The following PRKCE variants were observed in gnomAD, a reference collection of about 807,000 sequenced individuals.
PRKCE encodes protein kinase C epsilon.
PRKCE carries 16 observed loss-of-function variants against 85.4 expected under a neutral mutation model. The ratio of observed to expected loss-of-function variants is 0.19; its 90% CI spans 0.13 to 0.28. The LOEUF (loss-of-function observed/expected upper bound fraction) is 0.28, where lower values mean the gene tolerates loss of function less well. Ranked by LOEUF, PRKCE falls within the 10% of genes least tolerant of loss-of-function variation. PRKCE has a pLI of 1.00. For synonymous variants in PRKCE, 388 were observed against 371.5 expected (o/e 1.04, Z -0.51); for missense variants, 573 against 975.2 (o/e 0.59, Z 5.49).
At chr2:45,984,144 G>T (rs1033036522) in intron 5 of PRKCE, among the ~76,000 whole-genome samples, 1 of 151,940 alleles carries the variant, frequency 6.6e-6, no homozygotes, top group South Asian at 2.1e-4. Context: ...CACCATGTTG[G>T]CCAGGCTGGT....
rs144878366 is a variant in PRKCE, at chr2:45,939,336, C to T, written c.413-37093C>T. ...GCACTGCCACCTTCCCCTGTGTTCA[C>T]CACTTCATTCCCTGATGTCTTACTG... is the stretch of plus-strand genomic sequence containing the variant. On this transcript the variant is annotated intron_variant, in intron 2 of 14. Coordinates refer to ENST00000306156, the MANE Select transcript of PRKCE (RefSeq NM_005400.3). Among the ~76,000 whole-genome samples, 226 of 152,306 alleles carry T rather than the reference C, an allele frequency of 1.5e-3. 1 individual carries two copies. The highest frequency in any genetic ancestry group is 5.0e-3 in the African/African-American group (209 of 41,580).
At position 45,653,509 on chromosome 2, in the gene PRKCE, T is replaced by A. The variant is rs180941913; in HGVS notation, c.348+1061T>A. 2.0e-4 allele frequency among the ~76,000 whole-genome samples: 30 copies of A among 151,980 alleles called. 1 individual carries two copies. In the East Asian group the frequency reaches 5.8e-3, roughly 29 times the overall value. On this transcript the variant is annotated intron_variant, in intron 1 of 14. Coordinates refer to ENST00000306156, the MANE Select transcript of PRKCE (RefSeq NM_005400.3). ...CTCTGGAGGTATATGTTTTCAGGGT[T>A]CTTTGGTCTACACAAAAAGTGAGAG...
rs189831253 is a variant in PRKCE, at chr2:46,115,195, T to A, written c.1592+28833T>A. Among the ~76,000 whole-genome samples the A allele has an allele frequency of 3.9e-5, 6 of 152,342 alleles. No individual in the cohort carries two copies. In the East Asian group the frequency reaches 1.2e-3, roughly 29 times the overall value. On this transcript the variant is annotated intron_variant, in intron 11 of 14. Coordinates refer to ENST00000306156, the MANE Select transcript of PRKCE (RefSeq NM_005400.3). Reference sequence around the variant, plus strand: ...AGTAGTATTTCACAAGTATCAACTGTGCAAAGAACAGAGGTGCTAAGCTCA... The same window carrying A: ...AGTAGTATTTCACAAGTATCAACTGAGCAAAGAACAGAGGTGCTAAGCTCA...
At chr2:45,761,263 C>G (rs994744456) in intron 1 of PRKCE, among the ~76,000 whole-genome samples, 5 of 131,038 alleles carry the variant, frequency 3.8e-5, no homozygotes, top group Non-Finnish European at 7.8e-5. Flanking sequence ...GGAGGCAGAG[C>G]TTGCAGTAAG....
intron 1 of PRKCE, among the ~76,000 whole-genome samples, chr2:45,664,564 C>T (rs1675824766): frequency 6.6e-6 from 1 of 152,146 alleles, no homozygotes; most frequent in Non-Finnish European, 1.5e-5. Context: ...GAATGAGCAA[C>T]AGGAGTTGGG....
At chr2:45,930,010 A>G (rs1229285505) in intron 2 of PRKCE, among the ~76,000 whole-genome samples, 1 of 152,238 alleles carries the variant, frequency 6.6e-6, no homozygotes, top group Non-Finnish European at 1.5e-5. Flanking sequence ...GAATCAATGA[A>G]TGGACAAACC....
At position 46,063,655 on chromosome 2, in the gene PRKCE, C is replaced by T. The variant is rs1284579234; in HGVS notation, c.1438-22553C>T. ...TTGAAAATGGAAGTCAAGCATGCTC[C>T]CAGGGCAGAGAATTCCGCAACTGTG... On this transcript the variant is annotated intron_variant, in intron 10 of 14. Coordinates refer to ENST00000306156, the MANE Select transcript of PRKCE (RefSeq NM_005400.3). Among the ~76,000 whole-genome samples the T allele has an allele frequency of 4.6e-5, 7 of 152,132 alleles. No individual in the cohort carries two copies. In the East Asian group the frequency reaches 9.7e-4, roughly 21 times the overall value.
At chr2:46,162,359 C>G (rs760077661) in intron 14 of PRKCE, among the ~76,000 whole-genome samples, 3 of 152,254 alleles carry the variant, frequency 2.0e-5, no homozygotes, top group South Asian at 4.2e-4. Context: ...CTTATCACCC[C>G]CTGAGAGGAT....
intron 6 of PRKCE, among the ~76,000 whole-genome samples, chr2:45,998,121 C>T (rs537742311): frequency 6.6e-6 from 1 of 152,094 alleles, no homozygotes; most frequent in Non-Finnish European, 1.5e-5. Context: ...GTGTATTCTT[C>T]TGTCACCGAA....
At chr2:45,706,506 A>T (rs1679127594) in intron 1 of PRKCE, among the ~76,000 whole-genome samples, 1 of 152,164 alleles carries the variant, frequency 6.6e-6, no homozygotes, top group South Asian at 2.1e-4. Flanking sequence ...CTTGACTGAG[A>T]GGTGTCTGAG....
rs568150812 is a variant in PRKCE, at chr2:46,186,988, G to A, written c.*2107G>A. On this transcript the variant is annotated 3_prime_UTR_variant, in exon 15 of 15. Coordinates refer to ENST00000306156, the MANE Select transcript of PRKCE (RefSeq NM_005400.3). ...CATGAGATTAATTTAATTTATCTTCGGTAACTTGACATTCTGGAGAGAGAC... is the reference window on the plus strand; with the variant it reads ...CATGAGATTAATTTAATTTATCTTCAGTAACTTGACATTCTGGAGAGAGAC... The A allele has an allele frequency of 1.3e-5, 2 of 152,296 alleles. No individual in the cohort carries two copies. The highest frequency in any genetic ancestry group is 1.9e-4 in the East Asian group (1 of 5,186). The allele number at this position is 152,296 out of a possible 1,614,324, so 9.4% of individuals were successfully genotyped here.
chr2:46,157,244 A>G (rs532692673), intron 13 of PRKCE, among the ~76,000 whole-genome samples: 2 of 152,270 alleles, frequency 1.3e-5, no homozygotes, highest in South Asian at 4.1e-4. Context: ...GCCGCACCCG[A>G]GTCCACCAGA....
chr2:45,794,115 CA>C (rs1318166955), intron 1 of PRKCE, among the ~76,000 whole-genome samples: 1 of 152,132 alleles, frequency 6.6e-6, no homozygotes, highest in East Asian at 1.9e-4. Flanking sequence ...CAGCTTGTTG[CA>C]AATGGAATTG....
At chr2:46,112,498 TTTTTG>T (rs1003268371) in intron 11 of PRKCE, among the ~76,000 whole-genome samples, 2 of 102,006 alleles carry the variant, frequency 2.0e-5, no homozygotes, top group Non-Finnish European at 5.0e-5. Flanking sequence ...TTTGGTTTTT[TTTTTG>T]TTTGTTTGTT....
chr2:45,658,863 G>T (rs922826816), intron 1 of PRKCE, among the ~76,000 whole-genome samples: 2 of 152,288 alleles, frequency 1.3e-5, no homozygotes, highest in Admixed American at 1.3e-4. Flanking sequence ...TTAACAAATT[G>T]CCCTTTGGAA....
intron 1 of PRKCE, among the ~76,000 whole-genome samples, chr2:45,835,625 A>G (rs1414262104): frequency 2.7e-5 from 4 of 146,742 alleles, no homozygotes; most frequent in Non-Finnish European, 5.9e-5. Flanking sequence ...AAGAGACAGG[A>G]TCTCACCTAG....
intron 11 of PRKCE, among the ~76,000 whole-genome samples, chr2:46,098,730 C>A (rs957009272): frequency 6.6e-6 from 1 of 152,188 alleles, no homozygotes; most frequent in Non-Finnish European, 1.5e-5. Flanking sequence ...TGCTCCAAGG[C>A]TTAGTCATAT....
chr2:45,652,536 A>G lies in PRKCE; in HGVS notation c.348+88A>G, dbSNP rs978047391. ...CTGGTCTTGATCGTAGGGCTCCGGG[A>G]CTTATTGACGACTGGGGTGTGTGTG... On this transcript the variant is annotated intron_variant, in intron 1 of 14. Transcript: ENST00000306156. The surrounding 1 kb of genome is among the most constrained non-coding windows in gnomAD (Gnocchi z 7.7). 4.2e-5 allele frequency: 53 copies of G among 1,269,284 alleles called. No individual in the cohort carries two copies. The highest frequency in any genetic ancestry group is 5.5e-4 in the Middle Eastern group (2 of 3,642). The allele number at this position is 1,269,284 out of a possible 1,614,324, so 78.6% of individuals were successfully genotyped here.
intron 1 of PRKCE, among the ~76,000 whole-genome samples, chr2:45,737,275 A>T (rs1190285988): frequency 6.6e-6 from 1 of 152,172 alleles, no homozygotes; most frequent in East Asian, 1.9e-4. Flanking sequence ...TGGCTCACTT[A>T]CAGATTCCTC....
Sources: allele counts gnomAD v4.1 joint callset (sites outside exome capture counted in the v4.1 genomes callset), GRCh38; gene constraint gnomAD v4.1.1; non-coding constraint Gnocchi (gnomAD v3.1); transcripts MANE v1.5; gene names NCBI Gene and HGNC (gene_info 2026-07-23, HGNC 2026-07-21).